The following CCSER1 variants were observed in gnomAD, a reference collection of about 807,000 sequenced individuals.
CCSER1 encodes coiled-coil serine rich protein 1, also known as serine-rich coiled-coil domain-containing protein 1.
A neutral mutation model predicts 82.0 loss-of-function variants in CCSER1; 41 were observed. The ratio of observed to expected loss-of-function variants is 0.50; its 90% CI spans 0.39 to 0.65. CCSER1 has a LOEUF of 0.65. Among genes scored for constraint, CCSER1 ranks in the 30% least tolerant of loss-of-function variants. The probability of loss-of-function intolerance (pLI) is 0.00; values close to 1 mark genes in which losing one functional copy is unlikely to be tolerated. For missense variants in CCSER1, 1,119 were observed against 1,064.2 expected, an observed-to-expected ratio of 1.05 and a Z score of -0.72; for synonymous variants, 414 against 383.9, an observed-to-expected ratio of 1.08 and a Z score of -0.92.
At chr4:90,251,258 C>T (rs185613478) in intron 1 of CCSER1, among the ~76,000 whole-genome samples, 14 of 151,608 alleles carry the variant, frequency 9.2e-5, no homozygotes, top group Non-Finnish European at 1.6e-4. Flanking sequence ...CTAGAATGTT[C>T]GGTATAATAA....
At chr4:90,393,186 A>T (rs1359054106) in intron 3 of CCSER1, among the ~76,000 whole-genome samples, 2 of 152,196 alleles carry the variant, frequency 1.3e-5, no homozygotes, top group Non-Finnish European at 2.9e-5. Context: ...AAGGACACTT[A>T]CCTAATTAGT....
At chr4:91,324,916 C>A (rs1746444345) in intron 10 of CCSER1, among the ~76,000 whole-genome samples, 1 of 152,122 alleles carries the variant, frequency 6.6e-6, no homozygotes, top group South Asian at 2.1e-4. Context: ...TCTGTGTTCC[C>A]ACCCAAATCA....
At position 91,599,527 on chromosome 4, in the gene CCSER1, C is replaced by T. The variant is rs186539249; in HGVS notation, c.*470C>T. On this transcript the variant is annotated 3_prime_UTR_variant, in exon 11 of 11. Coordinates refer to ENST00000509176, the MANE Select transcript of CCSER1 (RefSeq NM_001145065.2). ...AAGGAGGAAAAAAGAGAAATGTTAA[C>T]GTCTTATATTTGGTGGTATATTTAT... is the stretch of plus-strand genomic sequence containing the variant. 3.3e-5 allele frequency: 5 copies of T among 152,058 alleles called. No homozygotes were observed. Among genetic ancestry groups the T allele is most frequent in the Non-Finnish European group, 4.4e-5 (3 of 68,038 alleles). 9.4% of individuals were successfully genotyped at this position (152,058 alleles called of 1,614,324 possible). A position where few individuals can be genotyped will look rare whatever the true frequency, so the allele number is the denominator to read the frequency against.
chr4:90,575,902 G>A (rs912893651), intron 5 of CCSER1, among the ~76,000 whole-genome samples: 1 of 151,888 alleles, frequency 6.6e-6, no homozygotes, highest in East Asian at 1.9e-4. Flanking sequence ...TCATTCTCTG[G>A]AGGCTCTGCT....
chr4:90,420,719 C>T (rs914050436), intron 4 of CCSER1, among the ~76,000 whole-genome samples: 6 of 152,112 alleles, frequency 3.9e-5, no homozygotes, highest in Non-Finnish European at 7.4e-5. Context: ...TAAATAACAA[C>T]AATTTTAATG....
At chr4:91,006,296 G>C (rs1023784479) in intron 9 of CCSER1, among the ~76,000 whole-genome samples, 1 of 150,632 alleles carries the variant, frequency 6.6e-6, no homozygotes, top group Non-Finnish European at 1.5e-5. Context: ...TTTTTTTTGT[G>C]TGCTATCAGC....
chr4:91,377,544 G>T (rs1308369656), intron 10 of CCSER1, among the ~76,000 whole-genome samples: 2 of 152,062 alleles, frequency 1.3e-5, no homozygotes, highest in African/African-American at 4.8e-5. Context: ...GCATAAGTGT[G>T]TTCTTTTGAG....
intron 10 of CCSER1, among the ~76,000 whole-genome samples, chr4:91,225,277 T>G (rs1357442796): frequency 8.1e-4 from 41 of 50,596 alleles, no homozygotes; most frequent in African/African-American, 4.5e-3. Flanking sequence ...TATATACATT[T>G]TATATATGTA....
intron 10 of CCSER1, among the ~76,000 whole-genome samples, chr4:91,384,483 TA>T (rs1000284481): frequency 5.3e-5 from 8 of 151,784 alleles, no homozygotes; most frequent in South Asian, 2.1e-4. Context: ...TCTTTTTTTT[TA>T]AAAAAATAAA....
At chr4:90,942,098 C>T (rs1428798483) in intron 9 of CCSER1, among the ~76,000 whole-genome samples, 1 of 152,010 alleles carries the variant, frequency 6.6e-6, no homozygotes, top group African/African-American at 2.4e-5. Flanking sequence ...GAGGCACACA[C>T]CATCATACTC....
chr4:90,960,711 A>G (rs1433629634), intron 9 of CCSER1, among the ~76,000 whole-genome samples: 4 of 152,192 alleles, frequency 2.6e-5, no homozygotes, highest in Non-Finnish European at 4.4e-5. Context: ...TGTTTATGGA[A>G]CCGCTGTACC....
intron 1 of CCSER1, among the ~76,000 whole-genome samples, chr4:90,236,818 A>G (rs531312532): frequency 6.6e-6 from 1 of 152,122 alleles, no homozygotes; most frequent in Non-Finnish European, 1.5e-5. Flanking sequence ...TAAAGTTATC[A>G]TAACATGTTA....
intron 10 of CCSER1, among the ~76,000 whole-genome samples, chr4:91,247,447 G>A (rs1739887387): frequency 1.3e-5 from 2 of 152,184 alleles, no homozygotes; most frequent in African/African-American, 2.4e-5. Context: ...ATGAATTTAT[G>A]TTTAGCTAAG....
At chr4:90,237,560 A>G (rs1325683099) in intron 1 of CCSER1, among the ~76,000 whole-genome samples, 1 of 152,204 alleles carries the variant, frequency 6.6e-6, no homozygotes, top group East Asian at 1.9e-4. Context: ...AGAAACTTCC[A>G]TTCATACATC....
At chr4:90,868,716 C>T (rs1162002608) in intron 8 of CCSER1, among the ~76,000 whole-genome samples, 2 of 151,912 alleles carry the variant, frequency 1.3e-5, no homozygotes, top group African/African-American at 4.8e-5. Flanking sequence ...GGGTATATAC[C>T]CAGCAGTGGG....
intron 10 of CCSER1, among the ~76,000 whole-genome samples, chr4:91,467,684 G>C (rs1757002826): frequency 6.6e-6 from 1 of 152,140 alleles, no homozygotes; most frequent in African/African-American, 2.4e-5. Context: ...ATCAAAAAGT[G>C]GGCAAAGGAT....
At chr4:90,441,195 C>T (rs1759829289) in intron 4 of CCSER1, among the ~76,000 whole-genome samples, 1 of 152,082 alleles carries the variant, frequency 6.6e-6, no homozygotes, top group African/African-American at 2.4e-5. Flanking sequence ...AATCTAGACA[C>T]CTGAATACTT....
intron 9 of CCSER1, among the ~76,000 whole-genome samples, chr4:90,986,569 G>C (rs777462928): frequency 1.3e-5 from 2 of 151,708 alleles, no homozygotes; most frequent in Admixed American, 6.6e-5. Context: ...GTGAATTGGA[G>C]AGGAAAATAC....
At chr4:90,147,861 C>T (rs1726109135) in intron 1 of CCSER1, among the ~76,000 whole-genome samples, 2 of 152,028 alleles carry the variant, frequency 1.3e-5, no homozygotes, top group Non-Finnish European at 2.9e-5. Flanking sequence ...ATAATTATAA[C>T]AATTTAAATA....
Sources: gnomAD v4.1 joint callset for allele counts (sites outside exome capture counted in the v4.1 genomes callset) on GRCh38, gnomAD v4.1.1 for gene constraint, MANE v1.5 for transcripts, NCBI Gene and HGNC (gene_info 2026-07-23, HGNC 2026-07-21) for gene names.